Variants in TAF6 observed in about 807,000 individuals in gnomAD.
TAF6 encodes transcription initiation factor TFIID subunit 6.
A neutral mutation model predicts 73.5 loss-of-function variants in TAF6; 50 were observed. The ratio of observed to expected loss-of-function variants is 0.68; its 90% CI spans 0.54 to 0.86. The LOEUF is 0.86. Ranked by LOEUF, TAF6 falls within the 40% of genes least tolerant of loss-of-function variation. The pLI is 0.00. For synonymous variants in TAF6, 424 were observed against 376.7 expected (o/e 1.13, Z -1.45); for missense variants, 768 against 899.5 (o/e 0.85, Z 1.87).
the TAF6 span, chr7:100,125,092 T>C: frequency 4.2e-5 from 24 of 571,002 alleles, no homozygotes; most frequent in South Asian, 5.8e-4. Context: ...GTGGAGGTCC[T>C]GCTCCTAGAG....
rs775456155 is a variant in TAF6, at chr7:100,107,436, CCT to C, written c.1842_1843del (p.Glu616GlyfsTer121). On this transcript the variant is annotated frameshift_variant, in exon 15 of 15. Transcript: ENST00000453269. LOFTEE classifies it high-confidence loss of function. The stretch of plus-strand genomic sequence containing the variant: ...GGAGGTGGGGCCTCCTTTGCCCTCC[CCT>C]GTTGGGGGAAGTGAGACCACGATGT... 3.1e-6 allele frequency: 5 copies of C among 1,611,648 alleles called. No homozygotes were observed. The highest frequency in any genetic ancestry group is 2.7e-5 in the African/African-American group (2 of 74,860).
intron 14 of TAF6, 45 bp from the exon 15 acceptor site, chr7:100,107,668 G>T: frequency 1.3e-6 from 2 of 1,595,338 alleles, no homozygotes; most frequent in South Asian, 1.1e-5. Flanking sequence ...TGCCCTCCCT[G>T]CCCCCCAGAG....
chr7:100,117,524 G>A (rs1797768124), intron 1 of TAF6, among the ~76,000 whole-genome samples: 1 of 151,474 alleles, frequency 6.6e-6, no homozygotes, highest in African/African-American at 2.4e-5. Flanking sequence ...CACCCACCCT[G>A]GCCTCCCAAA....
At chr7:100,125,031 G>C in the TAF6 span, 1 of 964,278 alleles carries the variant, frequency 1.0e-6, no homozygotes, top group Admixed American at 2.7e-5. Context: ...CTAACCTCAG[G>C]CAAGATCCTG....
chr7:100,119,366 G>A (rs1315241827), upstream of TAF6: 3 of 1,047,574 alleles, frequency 2.9e-6, no homozygotes, highest in East Asian at 9.3e-5. Context: ...CCCCCTCGTG[G>A]GAGCAGGTCC....
upstream of TAF6, chr7:100,124,304 G>A (rs953083277): frequency 5.6e-6 from 3 of 534,322 alleles, no homozygotes; most frequent in Admixed American, 3.1e-5. Flanking sequence ...CAGGCAAGGA[G>A]CTGAGACTCA....
upstream of TAF6, chr7:100,123,014 G>A (rs1798114873): frequency 7.7e-7 from 1 of 1,304,038 alleles, no homozygotes; most frequent in Non-Finnish European, 1.0e-6. Context: ...CATGGGGAAG[G>A]GGCCAGAGTG....
chr7:100,112,952 G>T, intron 5 of TAF6, 35 bp from the exon 6 acceptor site: 2 of 1,547,584 alleles, frequency 1.3e-6, no homozygotes, highest in South Asian at 1.1e-5. Flanking sequence ...GAGGGGTGAT[G>T]AGCATAGTAG....
At position 100,107,436 on chromosome 7, in the gene TAF6, C is replaced by G; in HGVS notation, c.1844G>C (p.Gly615Ala). The change falls in exon 15 of 15, where the codon GGG becomes GCG. Residue 615 changes from glycine (G) to alanine (A), a missense_variant. Physicochemically the swap from Gly to Ala is moderately conservative, Grantham distance 60 (BLOSUM62 0). This residue lies in a region of TAF6 where 350 missense variants were observed against 352.3 expected (regional missense o/e 0.99). Coordinates refer to ENST00000453269, the MANE Select transcript of TAF6 (RefSeq NM_139315.3). ...GGAGGTGGGGCCTCCTTTGCCCTCC[C>G]CTGTTGGGGGAAGTGAGACCACGAT... ...KYIVVSLPPTGEGKGGPTSHP... is the reference protein window; with the variant it reads ...KYIVVSLPPTAEGKGGPTSHP... 6.2e-7 allele frequency: 1 copy of G among 1,611,766 alleles called. No homozygotes were observed.
In TAF6 at chr7:100,107,363, G is replaced by A. The variant is rs181717102; in HGVS notation, c.1917C>T (p.Ser639=). 757 of 1,573,540 alleles carry A rather than the reference G, an allele frequency of 4.8e-4. 6 individuals carry two copies. In the East Asian group the frequency reaches 0.015, roughly 32 times the overall value. Residue 639 remains serine (S), a synonymous_variant, in exon 15 of 15, where the codon AGC becomes AGT. Coordinates refer to ENST00000453269, the MANE Select transcript of TAF6 (RefSeq NM_139315.3). ...GCTTCCCCCCACAAAGGGCACTGCC[G>A]CTGAGTGGGGACGGGGACGATGCCG... ...PPPASSPSPL[S]GSALCGGKQE... is the part of the protein sequence containing the mutation.
At chr7:100,116,255 C>T (rs1248194909) in intron 1 of TAF6, among the ~76,000 whole-genome samples, 1 of 152,092 alleles carries the variant, frequency 6.6e-6, no homozygotes, top group Non-Finnish European at 1.5e-5. Flanking sequence ...AGTGGCTCAG[C>T]TCATGCCTGT....
chr7:100,107,229 G>T lies in TAF6; in HGVS notation c.*17C>A, dbSNP rs202099952. Reference sequence around the variant, plus strand: ...ATGTCTGCATGTGTGGGAATCCGGGGGCTGGCAGGTGGAGCATCACGGAGC... The same window carrying T: ...ATGTCTGCATGTGTGGGAATCCGGGTGCTGGCAGGTGGAGCATCACGGAGC... On this transcript the variant is annotated 3_prime_UTR_variant, in exon 15 of 15. Coordinates refer to ENST00000453269, the MANE Select transcript of TAF6 (RefSeq NM_139315.3). 1 of 1,520,100 alleles carries T rather than the reference G, an allele frequency of 6.6e-7. No individual in the cohort carries two copies. The highest frequency in any genetic ancestry group is 2.3e-5 in the East Asian group (1 of 44,158). 94.2% of individuals were successfully genotyped at this position (1,520,100 alleles called of 1,614,324 possible).
At chr7:100,114,458 TG>T (rs1797510474) in intron 1 of TAF6, 190 bp from the exon 2 acceptor site, 1 of 649,526 alleles carries the variant, frequency 1.5e-6, no homozygotes, top group Admixed American at 2.5e-5. Context: ...GGCTCACGCC[TG>T]TAATCCCACC....
rs1209215901 is a variant in TAF6 at position 100,112,832 on chromosome 7, G to C, written c.540C>G (p.Gly180=). The change falls in exon 6 of 15, where the codon GGC becomes GGG. Residue 180 remains glycine (G), a synonymous_variant. Transcript: ENST00000453269. ...PGQEEDGPLK[G]KGQGATTADG... ...CGGCTGTGGTGGCCCCTTGACCTTTGCCCTTCAGGGGTCCGTCTTCCTCCT... is the reference window on the plus strand; with the variant it reads ...CGGCTGTGGTGGCCCCTTGACCTTTCCCCTTCAGGGGTCCGTCTTCCTCCT... The C allele has an allele frequency of 2.5e-6, 4 of 1,613,760 alleles. No individual in the cohort carries two copies. The highest frequency in any genetic ancestry group is 1.7e-5 in the Admixed American group (1 of 59,976).
chr7:100,111,957 T>A lies in TAF6; in HGVS notation c.763A>T (p.Met255Leu). ...SIATDPGLYQ[M>L]LPRFSTFISE... ...ATAAAGGTACTGAACCGTGGCAGCA[T>A]CTGATACAGTCCAGGGTCCGTGGCA... is the stretch of plus-strand genomic sequence containing the variant. The change falls in exon 8 of 15, where the codon ATG becomes TTG. Residue 255 changes from methionine to leucine, a missense_variant. Physicochemically the swap from Met to Leu is conservative, Grantham distance 15. Transcript: ENST00000453269. 1 of 1,613,814 alleles carries A rather than the reference T, an allele frequency of 6.2e-7. No homozygotes were observed. The highest frequency in any genetic ancestry group is 8.5e-7 in the Non-Finnish European group (1 of 1,179,958).
chr7:100,118,986 T>A (rs1469745011), intron 1 of TAF6: 1 of 985,206 alleles, frequency 1.0e-6, no homozygotes, highest in East Asian at 1.1e-4. Context: ...TAAAGGCTCA[T>A]AAAACACGCT....
At chr7:100,121,860 C>A (rs1007281856), upstream of TAF6, among the ~76,000 whole-genome samples, 1 of 150,350 alleles carries the variant, frequency 6.7e-6, no homozygotes, top group Non-Finnish European at 1.5e-5. Flanking sequence ...ACCATCCTGG[C>A]TAACACGGTG....
upstream of TAF6, among the ~76,000 whole-genome samples, chr7:100,120,620 T>C (rs1798008067): frequency 6.6e-6 from 1 of 152,168 alleles, no homozygotes; most frequent in Non-Finnish European, 1.5e-5. Context: ...CTCATCTCTG[T>C]CTCCTTTCAC....
At chr7:100,116,199 C>T (rs1797657257) in intron 1 of TAF6, among the ~76,000 whole-genome samples, 1 of 152,126 alleles carries the variant, frequency 6.6e-6, no homozygotes, top group Non-Finnish European at 1.5e-5. Context: ...AATGGCTCTC[C>T]ACTTGCCATA....
Sources: gnomAD v4.1 joint callset for allele counts (sites outside exome capture counted in the v4.1 genomes callset) on GRCh38, gnomAD v4.1.1 for gene constraint, gnomAD v4.1.1 regional missense constraint, MANE v1.5 for transcripts, NCBI Gene and HGNC (gene_info 2026-07-23, HGNC 2026-07-21) for gene names.